The following DHRS3 variants were observed in gnomAD, a reference collection of about 807,000 sequenced individuals.
The protein encoded by DHRS3 is dehydrogenase/reductase 3.
In DHRS3, 14 loss-of-function variants were observed where a neutral mutation model predicts 27.2. The observed-to-expected ratio is 0.52, with a 90% CI of 0.34 to 0.81. The LOEUF (loss-of-function observed/expected upper bound fraction) is 0.81. Ranked by LOEUF, DHRS3 falls within the 30% of genes least tolerant of loss-of-function variation. The pLI is 0.01. For missense variants in DHRS3, 322 were observed against 406.2 expected (o/e 0.79, Z 1.78); for synonymous variants, 165 against 175.9 (o/e 0.94, Z 0.49).
intron 1 of DHRS3, among the ~76,000 whole-genome samples, chr1:12,588,858 A>T (rs2100684787): frequency 6.6e-6 from 1 of 152,330 alleles, no homozygotes; most frequent in Middle Eastern, 3.4e-3. Flanking sequence ...AGCCCCTGAA[A>T]GATCTGAGAC....
chr1:12,572,976 TG>T, intron 4 of DHRS3, 123 bp from the exon 5 acceptor site: 1 of 1,245,508 alleles, frequency 8.0e-7, no homozygotes, highest in Non-Finnish European at 1.1e-6. Context: ...ATTCGAGGCC[TG>T]CTTGGAATAC....
chr1:12,595,177 A>C (rs1050216659), intron 1 of DHRS3, among the ~76,000 whole-genome samples: 1 of 152,098 alleles, frequency 6.6e-6, no homozygotes, highest in African/African-American at 2.4e-5. Flanking sequence ...CCTGGGACCC[A>C]CCTAGCGCAG....
intron 1 of DHRS3, among the ~76,000 whole-genome samples, chr1:12,583,953 A>G (rs1358809870): frequency 1.1e-4 from 2 of 18,100 alleles, no homozygotes; most frequent in East Asian, 2.3e-3. Context: ...CCACCCACCC[A>G]TCAGCCCCAC....
intron 1 of DHRS3, among the ~76,000 whole-genome samples, chr1:12,609,931 C>T (rs576200554): frequency 2.0e-5 from 3 of 152,286 alleles, no homozygotes; most frequent in South Asian, 2.1e-4. Context: ...ACCATGCCCT[C>T]GCCTCCTTCA....
Position 12,580,565 on chromosome 1 carries a change from G to T in DHRS3, c.297C>A (p.Asn99Lys). Reference sequence around the variant, plus strand: ...TGGCCGTCTGGTACACCTCCTCCCGGTTGCCCACATCACAGATGAAGTAAT... The same window carrying T: ...TGGCCGTCTGGTACACCTCCTCCCGTTTGCCCACATCACAGATGAAGTAAT... ...ECHYFICDVG[N>K]REEVYQTAKA... The change falls in exon 2 of 6, where the codon AAC becomes AAA. Residue 99 changes from asparagine (N) to lysine (K), a missense_variant. Transcript: ENST00000616661. 1.9e-6 allele frequency: 3 copies of T among 1,614,160 alleles called. No individual in the cohort carries two copies. The highest frequency in any genetic ancestry group is 2.5e-6 in the Non-Finnish European group (3 of 1,180,040).
intron 5 of DHRS3, chr1:12,569,934 A>G (rs185662319): frequency 7.9e-5 from 12 of 152,210 alleles, no homozygotes; most frequent in Non-Finnish European, 1.6e-4. Flanking sequence ...GCTATCAAAG[A>G]CTTGTTCTTA....
intron 1 of DHRS3, 29 bp downstream of exon 1, chr1:12,617,125 C>T (rs747807406): frequency 1.3e-5 from 20 of 1,596,304 alleles, no homozygotes; most frequent in Non-Finnish European, 1.6e-5. Context: ...CTGCGGCCCC[C>T]CACTCCCTGG....
At chr1:12,616,699 C>T (rs1646946870) in intron 1 of DHRS3, 1 of 1,004,084 alleles carries the variant, frequency 1.0e-6, no homozygotes, top group Admixed American at 5.6e-5. Flanking sequence ...TGCAGCCGCC[C>T]AGGTTGGGGC....
intron 1 of DHRS3, chr1:12,616,755 C>A (rs1646947216): frequency 2.0e-6 from 2 of 1,017,074 alleles, no homozygotes; most frequent in East Asian, 9.7e-5. Context: ...AGCTAGCAGG[C>A]GGCTCCCAGC....
rs938025392 is a variant in DHRS3 at position 12,586,157 on chromosome 1, C to T, written c.196-5491G>A. 4.6e-5 allele frequency among the ~76,000 whole-genome samples: 7 copies of T among 152,194 alleles called. No individual in the cohort carries two copies. The highest frequency in any genetic ancestry group is 9.7e-5 in the African/African-American group (4 of 41,446). On this transcript the variant is annotated intron_variant, in intron 1 of 5. Transcript: ENST00000616661. The surrounding 1 kb of genome is among the most constrained non-coding windows in gnomAD (Gnocchi z 5.0). ...CCCTTGCCCAGAGCTGCTCTCAAGG[C>T]GGCTATAGCCAGACAGATTCCTCAG...
At chr1:12,590,364 G>A (rs562176586) in intron 1 of DHRS3, among the ~76,000 whole-genome samples, 14 of 152,316 alleles carry the variant, frequency 9.2e-5, no homozygotes, top group African/African-American at 3.4e-4. Context: ...AGACTGGAGT[G>A]CAGTGGCGTG....
chr1:12,596,384 G>C (rs1646797701), intron 1 of DHRS3: 1 of 152,262 alleles, frequency 6.6e-6, no homozygotes, highest in Non-Finnish European at 1.5e-5. Flanking sequence ...TTGGGGAGGT[G>C]CCTGCCTTTG....
At position 12,580,490 on chromosome 1, in the gene DHRS3, T is replaced by C. The variant is rs772179202; in HGVS notation, c.339+33A>G. On this transcript the variant is annotated intron_variant, in intron 2 of 5. Coordinates refer to ENST00000616661, the MANE Select transcript of DHRS3 (RefSeq NM_004753.7). The stretch of plus-strand genomic sequence containing the variant: ...TGCCCGGAATTAGCCTGTGGTCAGC[T>C]GTGCTAGGAATAGACCCTCCCAGGC... 28 of 1,613,952 alleles carry C rather than the reference T, an allele frequency of 1.7e-5. No homozygotes were observed. In the African/African-American group the frequency reaches 3.6e-4, roughly 21 times the overall value.
chr1:12,579,153 T>A, intron 3 of DHRS3, 140 bp downstream of exon 3: 1 of 1,434,870 alleles, frequency 7.0e-7, no homozygotes, highest in Non-Finnish European at 9.6e-7. Flanking sequence ...CTAGAGCTGG[T>A]CATTCGTCTT....
rs920121234 is a variant in DHRS3, at chr1:12,580,341, T to G, written c.339+182A>C. The G allele has an allele frequency of 2.1e-5, 15 of 726,798 alleles. No individual in the cohort carries two copies. The Admixed American group carries it at 2.4e-4, about 12-fold the overall frequency. The allele number at this position is 726,798 out of a possible 1,614,324, so 45.0% of individuals were successfully genotyped here. On this transcript the variant is annotated intron_variant, in intron 2 of 5. Coordinates refer to ENST00000616661, the MANE Select transcript of DHRS3 (RefSeq NM_004753.7). ...ACAGATGATTACGCCTGTTACGTAA[T>G]CAACCCTAATCCCTGCCTATGTAAC...
At chr1:12,587,142 T>G (rs887018947) in intron 1 of DHRS3, among the ~76,000 whole-genome samples, 2 of 98,806 alleles carry the variant, frequency 2.0e-5, no homozygotes, top group Non-Finnish European at 4.2e-5. Context: ...AACTCTAAAC[T>G]TTTTTTTTTT....
chr1:12,613,576 G>T (rs888381710), intron 1 of DHRS3, among the ~76,000 whole-genome samples: 2 of 152,188 alleles, frequency 1.3e-5, no homozygotes, highest in African/African-American at 2.4e-5. Context: ...TTGCTGAATG[G>T]AAGTGCTGGA....
intron 5 of DHRS3, among the ~76,000 whole-genome samples, chr1:12,569,046 T>C (rs1187712399): frequency 6.6e-6 from 1 of 151,982 alleles, no homozygotes; most frequent in East Asian, 1.9e-4. Context: ...GGCAAAACCC[T>C]GTCTTTACTA....
rs6698026 is a variant in DHRS3 at position 12,609,661 on chromosome 1, C to A, written c.195+7493G>T. Among the ~76,000 whole-genome samples, 1,076 of 152,304 alleles carry A rather than the reference C, an allele frequency of 7.1e-3. 14 individuals are homozygous for A. Among genetic ancestry groups the A allele is most frequent in the African/African-American group, 0.025 (1,030 of 41,558 alleles). On this transcript the variant is annotated intron_variant, in intron 1 of 5. Coordinates refer to ENST00000616661, the MANE Select transcript of DHRS3 (RefSeq NM_004753.7). ...CCTGGCGGCCTCCTAGCAGGTCCCC[C>A]ACCCCTGGCCTGACACCTCCACCAC...
Sources: allele counts gnomAD v4.1 joint callset (sites outside exome capture counted in the v4.1 genomes callset), GRCh38; gene constraint gnomAD v4.1.1; non-coding constraint Gnocchi (gnomAD v3.1); transcripts MANE v1.5; gene names NCBI Gene and HGNC (gene_info 2026-07-23, HGNC 2026-07-21).